The following PHF19 variants were observed in gnomAD, a reference collection of about 807,000 sequenced individuals.
The protein encoded by PHF19 is polycomb like 3.
Under a neutral mutation model 79.8 loss-of-function variants are expected in PHF19, and 21 were observed. That is an observed-to-expected ratio of 0.26 (90% confidence interval 0.19 to 0.38). PHF19 has a LOEUF of 0.38. Among genes scored for constraint, PHF19 ranks in the 10% least tolerant of loss-of-function variants. PHF19 has a pLI of 1.00. For synonymous variants in PHF19, 273 were observed against 296.3 expected (o/e 0.92, Z 0.81); for missense variants, 445 against 744.2 (o/e 0.60, Z 4.68).
chr9:120,873,767 T>C (rs1461748244), intron 3 of PHF19, among the ~76,000 whole-genome samples: 2 of 152,158 alleles, frequency 1.3e-5, no homozygotes, highest in African/African-American at 2.4e-5. Flanking sequence ...CCTCCTGGGG[T>C]ATGAATTCTC....
In PHF19 at chr9:120,866,345, A is replaced by G. The variant is rs1180005962; in HGVS notation, c.711-249T>C. ...AGCGTGGCTGAGTTCACAGAGAGTG[A>G]GCTGAGCTAGGCTGGGCTGCCATGG... On this transcript the variant is annotated intron_variant, in intron 7 of 14. Coordinates refer to ENST00000373896, the MANE Select transcript of PHF19 (RefSeq NM_015651.3). The surrounding 1 kb of genome is among the most constrained non-coding windows in gnomAD (Gnocchi z 5.2). 6.6e-6 allele frequency among the ~76,000 whole-genome samples: 1 copy of G among 152,148 alleles called. No individual in the cohort carries two copies. The highest frequency in any genetic ancestry group is 2.4e-5 in the African/African-American group (1 of 41,428).
chr9:120,882,233 C>G (rs1564515439), intron 1 of PHF19, among the ~76,000 whole-genome samples: 1 of 152,212 alleles, frequency 6.6e-6, no homozygotes, highest in Admixed American at 6.5e-5. Flanking sequence ...CAGTACCTCT[C>G]TGTCCAGGGA....
chr9:120,876,806 C>G (rs1033640520), intron 1 of PHF19, among the ~76,000 whole-genome samples: 2 of 152,210 alleles, frequency 1.3e-5, no homozygotes, highest in Non-Finnish European at 2.9e-5. Flanking sequence ...AAATGCCAAA[C>G]GCCCGTCTGT....
At chr9:120,877,501 C>T (rs544075681), upstream of PHF19, among the ~76,000 whole-genome samples, 4 of 151,328 alleles carry the variant, frequency 2.6e-5, no homozygotes, top group South Asian at 8.3e-4. Flanking sequence ...CCGGGCCCCC[C>T]GCCGAGGAGC....
At chr9:120,875,631 CCATTCATT>C (rs890200093) in intron 1 of PHF19, among the ~76,000 whole-genome samples, 2 of 152,150 alleles carry the variant, frequency 1.3e-5, no homozygotes, top group African/African-American at 4.8e-5. Flanking sequence ...TTTGCTTGGG[CCATTCATT>C]CATTCATTCA....
At chr9:120,880,281 G>A (rs1364154365), upstream of PHF19, among the ~76,000 whole-genome samples, 1 of 152,214 alleles carries the variant, frequency 6.6e-6, no homozygotes, top group Non-Finnish European at 1.5e-5. Flanking sequence ...GATCACTTGA[G>A]GTCAGGAGTT....
In PHF19 at chr9:120,861,177, G is replaced by A. The variant is rs779513979; in HGVS notation, c.1219-3C>T. The A allele has an allele frequency of 3.9e-6, 6 of 1,556,836 alleles. No individual in the cohort carries two copies. Among genetic ancestry groups the A allele is most frequent in the Admixed American group, 1.7e-5 (1 of 59,924 alleles). ...CTCCAGGCTGAGGTGAAGTCACTCT[G>A]TGGACACAGGAAGGAGAGAGGAAGG... On this transcript the variant is annotated splice_polypyrimidine_tract_variant and splice_region_variant and intron_variant, in intron 12 of 14. Transcript: ENST00000373896.
rs1389305678 is a variant in PHF19, at chr9:120,860,030, G to A, written c.1400+60C>T. On this transcript the variant is annotated intron_variant, in intron 14 of 14. Coordinates refer to ENST00000373896, the MANE Select transcript of PHF19 (RefSeq NM_015651.3). The surrounding 1 kb of genome is among the most constrained non-coding windows in gnomAD (Gnocchi z 4.1). Reference sequence around the variant, plus strand: ...ACACATTACAGAAGTGGGAGGTGGAGGGGCTGAGAGGAATGATGGTCCTTG... The same window carrying A: ...ACACATTACAGAAGTGGGAGGTGGAAGGGCTGAGAGGAATGATGGTCCTTG... The A allele has an allele frequency of 3.6e-6, 3 of 840,892 alleles. No homozygotes were observed. The highest frequency in any genetic ancestry group is 6.0e-6 in the Non-Finnish European group (3 of 498,062). 52.1% of individuals were successfully genotyped at this position (840,892 alleles called of 1,614,324 possible).
chr9:120,892,819 A>G (rs1299904077), intron 1 of PHF19, among the ~76,000 whole-genome samples: 1 of 152,270 alleles, frequency 6.6e-6, no homozygotes, highest in Non-Finnish European at 1.5e-5. Flanking sequence ...AAGTGCTGAA[A>G]AAAAGGGTTA....
At chr9:120,881,773 T>C (rs553967228), upstream of PHF19, among the ~76,000 whole-genome samples, 108 of 152,244 alleles carry the variant, frequency 7.1e-4, 1 homozygote, top group Non-Finnish European at 8.7e-4. Flanking sequence ...TGTTTGTTTG[T>C]TTATTTGAGA....
chr9:120,902,510 G>A, the PHF19 span: 1 of 119,104 alleles, frequency 8.4e-6, no homozygotes, highest in Non-Finnish European at 1.8e-5. Context: ...AGGGCGGGGG[G>A]TGGGGGGGGG....
chr9:120,864,677 C>T (rs1282202057), intron 9 of PHF19, among the ~76,000 whole-genome samples: 2 of 151,720 alleles, frequency 1.3e-5, no homozygotes, highest in African/African-American at 4.8e-5. Flanking sequence ...AGGGAGACTC[C>T]GTCTCAAACA....
intron 12 of PHF19, among the ~76,000 whole-genome samples, chr9:120,861,501 G>T (rs1198531571): frequency 6.6e-6 from 1 of 152,240 alleles, no homozygotes; most frequent in Non-Finnish European, 1.5e-5. Context: ...ACCGCAAAGT[G>T]CTGGGACATG....
chr9:120,869,975 C>T lies in PHF19; in HGVS notation c.365-30G>A, dbSNP rs914114721. 12 of 1,549,436 alleles carry T rather than the reference C, an allele frequency of 7.7e-6. No homozygotes were observed. Among genetic ancestry groups the T allele is most frequent in the Admixed American group, 2.0e-5 (1 of 51,092 alleles). On this transcript the variant is annotated intron_variant, in intron 4 of 14. Coordinates refer to ENST00000373896, the MANE Select transcript of PHF19 (RefSeq NM_015651.3). This position sits in a 1 kb window ranked among gnomAD's most constrained non-coding sequence, Gnocchi z 5.8. ...GGCAGAGGAGGGGGCGGTGAGCGCCCACAAGGACATCGTGGCCCAAGGCCA... is the reference window on the plus strand; with the variant it reads ...GGCAGAGGAGGGGGCGGTGAGCGCCTACAAGGACATCGTGGCCCAAGGCCA...
At chr9:120,888,612 C>A (rs796080954) in intron 1 of PHF19, among the ~76,000 whole-genome samples, 8 of 152,250 alleles carry the variant, frequency 5.3e-5, no homozygotes, top group African/African-American at 1.9e-4. Flanking sequence ...AGGATGGAGA[C>A]CAAGGGCCTT....
At chr9:120,890,071 G>A (rs1047103493) in intron 1 of PHF19, among the ~76,000 whole-genome samples, 6 of 152,210 alleles carry the variant, frequency 3.9e-5, no homozygotes, top group Non-Finnish European at 1.5e-5. Context: ...GGACCATCAT[G>A]CCTCAGGCAG....
At chr9:120,865,572 C>G in intron 9 of PHF19, 138 bp downstream of exon 9, 1 of 1,102,798 alleles carries the variant, frequency 9.1e-7, no homozygotes, top group South Asian at 1.5e-5. Flanking sequence ...CCTTAAAGGA[C>G]ACAAGATCAG....
Position 120,857,938 on chromosome 9 carries a change from G to C in PHF19, c.*6C>G, listed in dbSNP as rs1367274771. On this transcript the variant is annotated 3_prime_UTR_variant, in exon 15 of 15. Transcript: ENST00000373896. ...TTTCAGGACCCCTGGCACCCCCGGG[G>C]GCTAGTCAGTAAGGGGTGGTCCCTT... is the stretch of plus-strand genomic sequence containing the variant. 6.5e-7 allele frequency: 1 copy of C among 1,547,736 alleles called. No homozygotes were observed. Among genetic ancestry groups the C allele is most frequent in the South Asian group, 1.2e-5 (1 of 84,638 alleles).
In PHF19 at chr9:120,855,930, T is replaced by C. The variant is rs2045352543; in HGVS notation, c.*2014A>G. On this transcript the variant is annotated 3_prime_UTR_variant, in exon 15 of 15. Transcript: ENST00000373896. ...GCCCACAGCCTCCCCAGAGCCCAGG[T>C]AGGGAAGGTCCAGATGTACTATAAC... 6.6e-6 allele frequency: 1 copy of C among 152,626 alleles called. No individual in the cohort carries two copies. 9.5% of individuals were successfully genotyped at this position (152,626 alleles called of 1,614,324 possible).
Sources: gnomAD v4.1 joint callset for allele counts (sites outside exome capture counted in the v4.1 genomes callset) on GRCh38, gnomAD v4.1.1 for gene constraint, Gnocchi (gnomAD v3.1) non-coding constraint, MANE v1.5 for transcripts, NCBI Gene and HGNC (gene_info 2026-07-23, HGNC 2026-07-21) for gene names.